Variants in GALNT14 observed in about 807,000 individuals in gnomAD.
The protein encoded by GALNT14 is UDP-GalNAc:polypeptide N-acetylgalactosaminyltransferase 14.
Under a neutral mutation model 77.5 loss-of-function variants are expected in GALNT14, and 60 were observed. That is an observed-to-expected ratio of 0.77 (90% CI 0.63 to 0.96). GALNT14 has a LOEUF of 0.96. Among genes scored for constraint, GALNT14 ranks in the 40% least tolerant of loss-of-function variants. GALNT14 has a pLI of 0.00. For missense variants in GALNT14, 710 were observed against 731.0 expected (o/e 0.97, Z 0.33); for synonymous variants, 280 against 281.7 (o/e 0.99, Z 0.06).
chr2:31,099,731 C>A (rs991610566), intron 1 of GALNT14, among the ~76,000 whole-genome samples: 1 of 151,912 alleles, frequency 6.6e-6, no homozygotes, highest in East Asian at 1.9e-4. Context: ...TCTGGACTAA[C>A]CACTTGGTTC....
At chr2:31,072,269 A>T (rs1433336784) in intron 1 of GALNT14, among the ~76,000 whole-genome samples, 12 of 46,330 alleles carry the variant, frequency 2.6e-4, no homozygotes, top group Non-Finnish European at 4.3e-4. Flanking sequence ...TCTCTCACAC[A>T]CACACACACA....
chr2:30,933,215 C>T (rs572836474), intron 9 of GALNT14, among the ~76,000 whole-genome samples: 1 of 152,244 alleles, frequency 6.6e-6, no homozygotes, highest in Admixed American at 6.5e-5. Context: ...ATAATGTACC[C>T]CCTAACTGAC....
chr2:31,129,455 A>ACC, intron 1 of GALNT14: 3 of 985,410 alleles, frequency 3.0e-6, no homozygotes, highest in Non-Finnish European at 3.6e-6. Context: ...CCACCTGCCC[A>ACC]CCATAAGGAC....
intron 1 of GALNT14, among the ~76,000 whole-genome samples, chr2:31,023,629 A>AATCATCATG (rs1671866882): frequency 6.6e-6 from 1 of 152,006 alleles, no homozygotes; most frequent in African/African-American, 2.4e-5. Flanking sequence ...CCTTCCTGAG[A>AATCATCATG]ATCATCATGA....
intron 1 of GALNT14, chr2:31,132,750 A>C (rs1262275543): frequency 2.1e-6 from 1 of 470,764 alleles, no homozygotes; most frequent in East Asian, 7.0e-5. Context: ...GCCAAAAGAA[A>C]CCCCCATCTT....
At chr2:30,968,267 C>T (rs1668132315) in intron 2 of GALNT14, among the ~76,000 whole-genome samples, 4 of 152,194 alleles carry the variant, frequency 2.6e-5, no homozygotes, top group Admixed American at 2.6e-4. Flanking sequence ...CTGAAGACAG[C>T]CTCTTCTAGC....
chr2:31,093,450 T>C (rs934286934), intron 1 of GALNT14, among the ~76,000 whole-genome samples: 22 of 152,182 alleles, frequency 1.4e-4, no homozygotes, highest in African/African-American at 4.8e-4. Flanking sequence ...CTGGCCAGTG[T>C]CCTCAGTCTC....
At chr2:31,106,005 A>G (rs551823858) in intron 1 of GALNT14, among the ~76,000 whole-genome samples, 2 of 152,144 alleles carry the variant, frequency 1.3e-5, no homozygotes, top group Admixed American at 6.5e-5. Flanking sequence ...CTCTTAACCA[A>G]TCTTCCAACC....
chr2:31,055,562 A>C (rs1674155458), intron 1 of GALNT14, among the ~76,000 whole-genome samples: 1 of 152,042 alleles, frequency 6.6e-6, no homozygotes, highest in Non-Finnish European at 1.5e-5. Context: ...CCTGCTACCG[A>C]GTGTCTGTGC....
chr2:31,076,875 C>T (rs1675830868), intron 1 of GALNT14, among the ~76,000 whole-genome samples: 1 of 152,082 alleles, frequency 6.6e-6, no homozygotes, highest in Admixed American at 6.5e-5. Context: ...CTTAAGATCA[C>T]CATAGCTAGA....
intron 2 of GALNT14, among the ~76,000 whole-genome samples, chr2:30,979,777 G>A (rs1375795258): frequency 2.0e-5 from 3 of 152,036 alleles, no homozygotes; most frequent in African/African-American, 2.4e-5. Context: ...GGGGCCTCAC[G>A]TGGCCCTCAG....
At chr2:31,081,136 C>T (rs879401996) in intron 1 of GALNT14, among the ~76,000 whole-genome samples, 4 of 152,104 alleles carry the variant, frequency 2.6e-5, no homozygotes, top group Non-Finnish European at 4.4e-5. Context: ...GAATACTTTC[C>T]GAAAATAAAA....
intron 1 of GALNT14, among the ~76,000 whole-genome samples, chr2:31,027,637 T>G (rs1428510446): frequency 6.6e-6 from 1 of 152,142 alleles, no homozygotes; most frequent in Admixed American, 6.6e-5. Flanking sequence ...GATATTAGCA[T>G]GTCCCAAGAA....
chr2:30,912,327 A>T lies in GALNT14; in HGVS notation c.1396T>A (p.Tyr466Asn). 6.2e-7 allele frequency: 1 copy of T among 1,614,114 alleles called. No homozygotes were observed. The highest frequency in any genetic ancestry group is 8.5e-7 in the Non-Finnish European group (1 of 1,180,010). Residue 466 changes from tyrosine to asparagine, a missense_variant, in exon 14 of 15, where the codon TAC becomes AAC. Transcript: ENST00000349752. ...DAKSQVWAFTYTQQILQEELC... is the reference protein window; with the variant it reads ...DAKSQVWAFTNTQQILQEELC... The stretch of plus-strand genomic sequence containing the variant: ...TCCTCCTGGAGGATCTGCTGGGTGT[A>T]TGTGAAGGCCCATACCTGGGGAGAA...
chr2:31,092,408 A>C (rs1359986601), intron 1 of GALNT14, among the ~76,000 whole-genome samples: 2 of 152,036 alleles, frequency 1.3e-5, no homozygotes, highest in Non-Finnish European at 2.9e-5. Flanking sequence ...TTACCTCCTA[A>C]ATCATCACAG....
chr2:31,096,144 T>C (rs956229305), intron 1 of GALNT14, among the ~76,000 whole-genome samples: 3 of 152,182 alleles, frequency 2.0e-5, no homozygotes, highest in African/African-American at 7.2e-5. Flanking sequence ...TTCTGCCTCC[T>C]CCTTCCACTT....
chr2:30,970,062 G>A (rs1668253364), intron 2 of GALNT14, among the ~76,000 whole-genome samples: 1 of 152,168 alleles, frequency 6.6e-6, no homozygotes, highest in African/African-American at 2.4e-5. Context: ...ATTACATAGT[G>A]CCACGTTAGA....
At chr2:31,047,817 G>A (rs11688387) in intron 1 of GALNT14, among the ~76,000 whole-genome samples, 65,526 of 151,792 alleles carry the variant, frequency 0.43, 14,412 homozygotes, top group East Asian at 0.54. Flanking sequence ...CAAATGAGTT[G>A]TATGCCTAAA....
intron 1 of GALNT14, chr2:31,129,535 C>T (rs1386449372): frequency 2.0e-6 from 2 of 985,286 alleles, no homozygotes; most frequent in Non-Finnish European, 2.4e-6. Flanking sequence ...ATCTGGGTGC[C>T]TTAATTAATC....
Sources: gnomAD v4.1 joint callset for allele counts (sites outside exome capture counted in the v4.1 genomes callset) on GRCh38, gnomAD v4.1.1 for gene constraint, MANE v1.5 for transcripts, NCBI Gene and HGNC (gene_info 2026-07-23, HGNC 2026-07-21) for gene names.